AKAP6: variants seen among roughly 807,000 people sequenced by gnomAD.
AKAP6 encodes the protein A-kinase anchor protein 6.
A neutral mutation model predicts 188.5 loss-of-function variants in AKAP6; 58 were observed. That is an observed-to-expected ratio of 0.31 (90% CI 0.25 to 0.38). AKAP6 has a LOEUF of 0.38. Ranked by LOEUF, AKAP6 falls within the 10% of genes least tolerant of loss-of-function variation. The pLI, the probability that AKAP6 is intolerant of heterozygous loss-of-function variation, is 1.00. For synonymous variants in AKAP6, 989 were observed against 998.6 expected (o/e 0.99, Z 0.18); for missense variants, 2,710 against 2,740.0 (o/e 0.99, Z 0.24).
At chr14:32,800,183 T>TATACAC (rs2033906585) in intron 12 of AKAP6, among the ~76,000 whole-genome samples, 1 of 143,446 alleles carries the variant, frequency 7.0e-6, no homozygotes, top group South Asian at 2.1e-4. Context: ...TACATATATA[T>TATACAC]ATACACATAT....
intron 9 of AKAP6, among the ~76,000 whole-genome samples, chr14:32,706,155 G>C (rs1318248118): frequency 6.6e-6 from 1 of 152,116 alleles, no homozygotes; most frequent in African/African-American, 2.4e-5. Context: ...TTGCTCGCCT[G>C]CTCATTGTTG....
chr14:32,610,948 GA>G (rs1886325130), intron 7 of AKAP6, among the ~76,000 whole-genome samples: 1 of 152,182 alleles, frequency 6.6e-6, no homozygotes, highest in Admixed American at 6.6e-5. Flanking sequence ...TGTTTTTAAT[GA>G]TTGAATTTGG....
chr14:32,773,611 G>C, intron 11 of AKAP6, 67 bp from the exon 12 acceptor site: 1 of 1,376,792 alleles, frequency 7.3e-7, no homozygotes, highest in East Asian at 2.3e-5. Flanking sequence ...GATGGAAGAA[G>C]GTGTTTCATG....
chr14:32,511,933 A>G (rs1389963425), intron 2 of AKAP6, among the ~76,000 whole-genome samples: 2 of 152,206 alleles, frequency 1.3e-5, no homozygotes, highest in Admixed American at 6.5e-5. Flanking sequence ...GAGAGATCAT[A>G]TAAGTTGTCC....
intron 12 of AKAP6, among the ~76,000 whole-genome samples, chr14:32,776,753 G>T (rs879819595): frequency 6.6e-5 from 10 of 152,016 alleles, no homozygotes; most frequent in Non-Finnish European, 2.9e-5. Context: ...CCAAGAAGAT[G>T]ATCTTTAATC....
At chr14:32,365,486 T>C (rs1180269570) in intron 1 of AKAP6, among the ~76,000 whole-genome samples, 1 of 152,090 alleles carries the variant, frequency 6.6e-6, no homozygotes, top group African/African-American at 2.4e-5. Context: ...CTTTGGGTGG[T>C]CATTTAATCC....
intron 1 of AKAP6, among the ~76,000 whole-genome samples, chr14:32,383,569 A>T (rs1288772918): frequency 6.6e-6 from 1 of 152,162 alleles, no homozygotes; most frequent in African/African-American, 2.4e-5. Context: ...TAACATATAT[A>T]AATTCAACTG....
At chr14:32,534,207 C>CAAA (rs1279371638) in intron 2 of AKAP6, among the ~76,000 whole-genome samples, 1 of 151,946 alleles carries the variant, frequency 6.6e-6, no homozygotes, top group Non-Finnish European at 1.5e-5. Context: ...ATAGAATGAC[C>CAAA]GTTTTGACAC....
intron 12 of AKAP6, among the ~76,000 whole-genome samples, chr14:32,793,249 G>T (rs748176258): frequency 6.6e-6 from 1 of 152,096 alleles, no homozygotes; most frequent in Non-Finnish European, 1.5e-5. Flanking sequence ...AAAGAGCCAA[G>T]ACCCATCAGT....
intron 2 of AKAP6, among the ~76,000 whole-genome samples, chr14:32,519,403 T>A (rs1356853967): frequency 6.6e-6 from 1 of 152,036 alleles, no homozygotes; most frequent in East Asian, 1.9e-4. Flanking sequence ...GACTGGCAAA[T>A]TGGATAAAGT....
chr14:32,583,463 A>AGT (rs1232701559), intron 5 of AKAP6, among the ~76,000 whole-genome samples: 43 of 152,310 alleles, frequency 2.8e-4, no homozygotes, highest in African/African-American at 9.9e-4. Flanking sequence ...TTGAGGAGGC[A>AGT]GTCTTCCCGT....
At chr14:32,819,676 G>A (rs1566733676) in intron 12 of AKAP6, among the ~76,000 whole-genome samples, 2 of 152,164 alleles carry the variant, frequency 1.3e-5, no homozygotes, top group Admixed American at 6.5e-5. Flanking sequence ...CTGGCTGGAT[G>A]TGGTGGTTCA....
chr14:32,503,216 TTGTG>T (rs1880694047), intron 2 of AKAP6, among the ~76,000 whole-genome samples: 1 of 152,114 alleles, frequency 6.6e-6, no homozygotes, highest in Non-Finnish European at 1.5e-5. Flanking sequence ...TAACGATCAT[TTGTG>T]TTACTTGTTC....
chr14:32,376,761 A>G (rs1461739410), intron 1 of AKAP6, among the ~76,000 whole-genome samples: 3 of 152,140 alleles, frequency 2.0e-5, no homozygotes, highest in Admixed American at 2.0e-4. Flanking sequence ...CAGTGGCGCC[A>G]TCTCGGCTCA....
intron 8 of AKAP6, 98 bp downstream of exon 8, chr14:32,678,557 A>T: frequency 7.1e-7 from 1 of 1,402,442 alleles, no homozygotes; most frequent in East Asian, 2.3e-5. Context: ...TCTTTAGCAA[A>T]CCGACAAGGA....
At chr14:32,609,044 G>T (rs1292965136) in intron 7 of AKAP6, among the ~76,000 whole-genome samples, 2 of 152,038 alleles carry the variant, frequency 1.3e-5, no homozygotes, top group African/African-American at 2.4e-5. Context: ...GTTGTTTCTG[G>T]CAGGGGAGCA....
intron 2 of AKAP6, among the ~76,000 whole-genome samples, chr14:32,505,239 G>C (rs1041579826): frequency 1.3e-5 from 2 of 151,620 alleles, no homozygotes; most frequent in East Asian, 3.9e-4. Flanking sequence ...ATTATCAGTT[G>C]GTTCTTTCTA....
At chr14:32,701,981 G>T (rs896242404) in intron 9 of AKAP6, among the ~76,000 whole-genome samples, 5 of 152,042 alleles carry the variant, frequency 3.3e-5, no homozygotes, top group Non-Finnish European at 7.4e-5. Flanking sequence ...TGTTAATTAG[G>T]CCTTATATTG....
chr14:32,517,220 A>G (rs990784641), intron 2 of AKAP6, among the ~76,000 whole-genome samples: 3 of 152,242 alleles, frequency 2.0e-5, no homozygotes, highest in Non-Finnish European at 2.9e-5. Flanking sequence ...TTTTACCTGT[A>G]TGAGCAAATA....
Sources: gnomAD v4.1 joint callset for allele counts (sites outside exome capture counted in the v4.1 genomes callset) on GRCh38, gnomAD v4.1.1 for gene constraint, MANE v1.5 for transcripts, NCBI Gene and HGNC (gene_info 2026-07-23, HGNC 2026-07-21) for gene names.